The following ABCG2 variants were observed in gnomAD, a reference collection of about 807,000 sequenced individuals.
ABCG2 encodes ATP binding cassette subfamily G member 2 (JR blood group).
In ABCG2, 80 loss-of-function variants were observed where a neutral mutation model predicts 73.5. The ratio of observed to expected loss-of-function variants is 1.09; its 90% CI spans 0.91 to 1.31. The LOEUF (loss-of-function observed/expected upper bound fraction) is 1.31, where lower values mean the gene tolerates loss of function less well. Ranked by LOEUF, ABCG2 falls within the 50% of genes most tolerant of loss-of-function variation. The probability of loss-of-function intolerance (pLI) is 0.00; values close to 1 mark genes in which losing one functional copy is unlikely to be tolerated. For synonymous variants in ABCG2, 269 were observed against 282.4 expected (o/e 0.95, Z 0.48); for missense variants, 796 against 786.2 (o/e 1.01, Z -0.15).
chr4:88,113,228 A>G, intron 9 of ABCG2, 75 bp downstream of exon 9: 1 of 1,527,038 alleles, frequency 6.5e-7, no homozygotes, highest in South Asian at 1.3e-5. Flanking sequence ...GGTAGAAGAT[A>G]AACATATCCT....
chr4:88,160,424 A>C (rs1365954863), upstream of ABCG2, among the ~76,000 whole-genome samples: 2 of 152,210 alleles, frequency 1.3e-5, no homozygotes, highest in Non-Finnish European at 2.9e-5. Context: ...CAAGATCTGA[A>C]GGCACTACAG....
At chr4:88,177,669 G>A (rs955078986) in intron 1 of ABCG2, among the ~76,000 whole-genome samples, 3 of 152,138 alleles carry the variant, frequency 2.0e-5, no homozygotes, top group African/African-American at 7.2e-5. Context: ...CAACACTGAA[G>A]AAGGTAGGAA....
At chr4:88,179,424 G>C (rs1728141062) in intron 1 of ABCG2, among the ~76,000 whole-genome samples, 1 of 152,070 alleles carries the variant, frequency 6.6e-6, no homozygotes, top group Non-Finnish European at 1.5e-5. Flanking sequence ...CGTACACCTG[G>C]AAAGCCTTCC....
At chr4:88,182,157 G>A (rs963831379) in intron 1 of ABCG2, among the ~76,000 whole-genome samples, 2 of 152,020 alleles carry the variant, frequency 1.3e-5, no homozygotes, top group Admixed American at 1.3e-4. Flanking sequence ...AATTTGAAAA[G>A]ACCATTATAT....
intron 9 of ABCG2, among the ~76,000 whole-genome samples, chr4:88,109,086 G>A (rs1393289933): frequency 6.7e-6 from 1 of 149,486 alleles, no homozygotes; most frequent in African/African-American, 2.5e-5. Context: ...GTAACCTCCA[G>A]CTCCCAGGTT....
intron 5 of ABCG2, among the ~76,000 whole-genome samples, chr4:88,124,743 T>C (rs1438263643): frequency 6.6e-6 from 1 of 152,116 alleles, no homozygotes; most frequent in Non-Finnish European, 1.5e-5. Context: ...CTGTCAATAT[T>C]AGACAGATCA....
At chr4:88,165,551 G>A (rs985011353) in intron 1 of ABCG2, among the ~76,000 whole-genome samples, 3 of 152,160 alleles carry the variant, frequency 2.0e-5, no homozygotes, top group Non-Finnish European at 2.9e-5. Flanking sequence ...CACTGGGTAA[G>A]CCAGGATAAT....
exon 1 of ABCG2, chr4:88,231,111 C>T (rs1337068190): frequency 1.3e-5 from 2 of 152,176 alleles, no homozygotes; most frequent in African/African-American, 4.8e-5. Context: ...TCAACCAGGA[C>T]CCACGCCTAC....
At chr4:88,190,876 A>G (rs1367576113) in intron 1 of ABCG2, among the ~76,000 whole-genome samples, 3 of 152,068 alleles carry the variant, frequency 2.0e-5, no homozygotes, top group African/African-American at 7.2e-5. Context: ...TAGAGGACCA[A>G]TTTTTATCCA....
intron 1 of ABCG2, among the ~76,000 whole-genome samples, chr4:88,142,624 T>C (rs959314355): frequency 4.6e-5 from 7 of 152,136 alleles, no homozygotes; most frequent in African/African-American, 1.7e-4. Flanking sequence ...GTTCTGCATC[T>C]GAAGATTCAA....
In ABCG2 at chr4:88,131,219, GGCAAATAGCATTTTAATGA is replaced by G; in HGVS notation, c.379-25_379-7del. 2 of 1,613,508 alleles carry G rather than the reference GGCAAATAGCATTTTAATGA, an allele frequency of 1.2e-6. No individual in the cohort carries two copies. ...GTGCCCATCACAACATCATCCTTAAGGCAAATAGCATTTTAATGAGACATAATGATAATGAGTCTTTTCT... is the reference window on the plus strand; with the variant it reads ...GTGCCCATCACAACATCATCCTTAAGGACATAATGATAATGAGTCTTTTCT... On this transcript the variant is annotated splice_polypyrimidine_tract_variant and splice_region_variant and intron_variant, in intron 4 of 15. Coordinates refer to ENST00000237612, the MANE Select transcript of ABCG2 (RefSeq NM_004827.3).
At position 88,091,339 on chromosome 4, in the gene ABCG2, T is replaced by C. The variant is rs779635621; in HGVS notation, c.*895A>G. 1 of 152,236 alleles carries C rather than the reference T, an allele frequency of 6.6e-6. No individual in the cohort carries two copies. The highest frequency in any genetic ancestry group is 1.5e-5 in the Non-Finnish European group (1 of 68,042). The allele number at this position is 152,236 out of a possible 1,614,324, so 9.4% of individuals were successfully genotyped here. A position where few individuals can be genotyped will look rare whatever the true frequency, so the allele number is the denominator to read the frequency against. On this transcript the variant is annotated 3_prime_UTR_variant, in exon 16 of 16. Coordinates refer to ENST00000237612, the MANE Select transcript of ABCG2 (RefSeq NM_004827.3). The stretch of plus-strand genomic sequence containing the variant: ...GTATATAAGTAGGAAAGAAAACCTA[T>C]GTAGGGACAGATGTTAATAGTTATT...
intron 1 of ABCG2, chr4:88,220,447 T>A (rs1007339871): frequency 5.9e-5 from 9 of 152,254 alleles, no homozygotes; most frequent in African/African-American, 2.2e-4. Flanking sequence ...AGAGTTCCAA[T>A]CTCTCCACAT....
chr4:88,194,135 G>C (rs1350116213), intron 1 of ABCG2, among the ~76,000 whole-genome samples: 6 of 152,150 alleles, frequency 3.9e-5, no homozygotes. Flanking sequence ...AGTGCTCTTT[G>C]CCTTTTCCTC....
Position 88,092,111 on chromosome 4 carries a change from A to G in ABCG2, c.*123T>C, listed in dbSNP as rs558043917. The G allele has an allele frequency of 6.9e-6, 6 of 873,804 alleles. No homozygotes were observed. In the South Asian group the frequency reaches 1.2e-4, roughly 17 times the overall value. 54.1% of individuals were successfully genotyped at this position (873,804 alleles called of 1,614,324 possible). A position where few individuals can be genotyped will look rare whatever the true frequency, so the allele number is the denominator to read the frequency against. ...TCTAAAAATGTATCTCTTTAAAACA[A>G]TTGCTGCTGTGCAACAGTGTGATGG... On this transcript the variant is annotated 3_prime_UTR_variant, in exon 16 of 16. Transcript: ENST00000237612.
intron 7 of ABCG2, among the ~76,000 whole-genome samples, chr4:88,117,715 A>C (rs1450224881): frequency 6.6e-6 from 1 of 152,238 alleles, no homozygotes. Flanking sequence ...AGGGGAAAAA[A>C]TTTTAAGGCC....
At chr4:88,220,070 A>G (rs1393807974) in intron 1 of ABCG2, among the ~76,000 whole-genome samples, 2 of 152,148 alleles carry the variant, frequency 1.3e-5, no homozygotes, top group African/African-American at 2.4e-5. Context: ...TCACTACCTA[A>G]TATAAGTGGA....
chr4:88,104,873 T>C (rs1722673055), intron 10 of ABCG2, among the ~76,000 whole-genome samples: 1 of 152,224 alleles, frequency 6.6e-6, no homozygotes, highest in Non-Finnish European at 1.5e-5. Context: ...TTTATTTCTC[T>C]GGATTTTTCT....
rs1723271370 is a variant in ABCG2, at chr4:88,113,340, T to C, written c.1157A>G (p.Lys386Arg). The C allele has an allele frequency of 1.2e-6, 2 of 1,614,066 alleles. No individual in the cohort carries two copies. Among genetic ancestry groups the C allele is most frequent in the African/African-American group, 2.7e-5 (2 of 74,922 alleles). The change falls in exon 9 of 16, where the codon AAA becomes AGA. Residue 386 changes from lysine (K) to arginine (R), a missense_variant. Transcript: ENST00000237612. The part of the protein sequence containing the change: ...QLRWVSKRSF[K>R]NLLGNPQASI... ...GGCCTGGGGATTACCCAGCAAGTTTTTGAATGAACGCTTGGAAACCCATCT... is the reference window on the plus strand; with the variant it reads ...GGCCTGGGGATTACCCAGCAAGTTTCTGAATGAACGCTTGGAAACCCATCT...
Sources: gnomAD v4.1 joint callset for allele counts (sites outside exome capture counted in the v4.1 genomes callset) on GRCh38, gnomAD v4.1.1 for gene constraint, MANE v1.5 for transcripts, NCBI Gene and HGNC (gene_info 2026-07-23, HGNC 2026-07-21) for gene names.